The following GET1 variants were observed in gnomAD, a reference collection of about 807,000 sequenced individuals.
GET1 encodes the protein guided entry of tail-anchored proteins factor 1, also known as congenital heart disease 5 protein.
A neutral mutation model predicts 22.6 loss-of-function variants in GET1; 20 were observed. The ratio of observed to expected loss-of-function variants is 0.89; its 90% CI spans 0.62 to 1.29. GET1 has a LOEUF of 1.29. Ranked by LOEUF, GET1 falls within the 50% of genes most tolerant of loss-of-function variation. GET1 has a pLI of 0.00. For missense variants in GET1, 209 were observed against 219.9 expected (o/e 0.95, Z 0.31); for synonymous variants, 92 against 83.8 (o/e 1.10, Z -0.53).
intron 4 of GET1, among the ~76,000 whole-genome samples, chr21:39,403,102 G>A (rs917509374): frequency 5.3e-5 from 8 of 152,144 alleles, no homozygotes; most frequent in African/African-American, 1.9e-4. Flanking sequence ...ATGTTACTCA[G>A]CATACCATTT....
intron 1 of GET1, among the ~76,000 whole-genome samples, chr21:39,385,895 G>A (rs949532593): frequency 2.0e-5 from 3 of 151,954 alleles, no homozygotes; most frequent in African/African-American, 7.3e-5. Flanking sequence ...CAGAGTCTAT[G>A]CAAACCGCAT....
At chr21:39,413,819 T>C (rs1378948787) in intron 1 of GET1, 1 of 152,258 alleles carries the variant, frequency 6.6e-6, no homozygotes, top group Non-Finnish European at 1.5e-5. Flanking sequence ...GGGACACATT[T>C]TGATTACCTG....
downstream of GET1, chr21:39,406,683 A>G (rs2039116608): frequency 1.6e-6 from 2 of 1,227,774 alleles, no homozygotes; most frequent in African/African-American, 3.0e-5. Flanking sequence ...TGGCATGTCT[A>G]GTACACTTAC....
chr21:39,406,217 T>C (rs2039050118), exon 5 of GET1: 5 of 1,613,004 alleles, frequency 3.1e-6, no homozygotes, highest in Non-Finnish European at 4.2e-6. Flanking sequence ...TCTCTGTTAC[T>C]GAGATGCTTG....
At chr21:39,391,932 C>G in intron 3 of GET1, 96 bp downstream of exon 3, 1 of 1,180,482 alleles carries the variant, frequency 8.5e-7, no homozygotes, top group Non-Finnish European at 1.3e-6. Flanking sequence ...TCGGGCTGTT[C>G]CACCTTCAGC....
At chr21:39,391,999 C>G (rs920684043) in intron 3 of GET1, 163 bp downstream of exon 3, 19 of 635,384 alleles carry the variant, frequency 3.0e-5, no homozygotes, top group Non-Finnish European at 2.2e-5. Flanking sequence ...GTCTCTAAGT[C>G]AGACTAAAAG....
chr21:39,424,535 A>G (rs1426969680), intron 1 of GET1, among the ~76,000 whole-genome samples: 3 of 152,224 alleles, frequency 2.0e-5, no homozygotes, highest in African/African-American at 7.2e-5. Context: ...AGTGCTTATC[A>G]TATGTCAGGC....
At chr21:39,409,906 C>A, downstream of GET1, 1 of 875,600 alleles carries the variant, frequency 1.1e-6, no homozygotes. The surrounding 1 kb of genome is among the most constrained non-coding windows in gnomAD (Gnocchi z 4.2). Flanking sequence ...TTTATGTGTG[C>A]TTTATATACA....
At chr21:39,424,321 A>C (rs2074270878) in intron 1 of GET1, among the ~76,000 whole-genome samples, 1 of 152,234 alleles carries the variant, frequency 6.6e-6, no homozygotes, top group African/African-American at 2.4e-5. Flanking sequence ...GCCTCTACAA[A>C]ATTTTGAAAA....
downstream of GET1, chr21:39,407,934 T>TA (rs377404167): frequency 6.6e-6 from 1 of 152,254 alleles, no homozygotes; most frequent in Non-Finnish European, 1.5e-5. Context: ...TCTGTCAAAC[T>TA]ACTGTGTTAT....
At chr21:39,405,804 C>T in intron 4 of GET1, 2 of 1,136,074 alleles carry the variant, frequency 1.8e-6, no homozygotes, top group South Asian at 1.7e-5. Flanking sequence ...CTCCCTCTCT[C>T]ACACATTTCA....
chr21:39,390,867 C>T lies in GET1; in HGVS notation c.268+4C>T, dbSNP rs1245877368. 1 of 1,613,828 alleles carries T rather than the reference C, an allele frequency of 6.2e-7. No individual in the cohort carries two copies. The highest frequency in any genetic ancestry group is 1.3e-5 in the African/African-American group (1 of 74,918). On this transcript the variant is annotated splice_donor_region_variant and intron_variant, in intron 2 of 4. Transcript: ENST00000649170. ...ACGGATAAGCTCAAAACCCATGGTA[C>T]TGTGTCCCTTGCAGCCTGGAGGCTT...
chr21:39,409,950 TA>T (rs1402716176), downstream of GET1: 1 of 1,230,384 alleles, frequency 8.1e-7, no homozygotes, highest in Admixed American at 1.9e-5. This position sits in a 1 kb window ranked among gnomAD's most constrained non-coding sequence, Gnocchi z 4.2. Flanking sequence ...AGAAATCAGA[TA>T]AGATAGACTT....
At chr21:39,387,293 T>G (rs2037969569) in intron 1 of GET1, among the ~76,000 whole-genome samples, 1 of 152,216 alleles carries the variant, frequency 6.6e-6, no homozygotes, top group Non-Finnish European at 1.5e-5. Context: ...ATTCCTGAGT[T>G]GTTTTGTGTA....
Position 39,396,960 on chromosome 21 carries a change from G to A in GET1, c.*21G>A, listed in dbSNP as rs756627629. 1.9e-5 allele frequency: 30 copies of A among 1,612,320 alleles called. No individual in the cohort carries two copies. Among genetic ancestry groups the A allele is most frequent in the Non-Finnish European group, 2.2e-5 (26 of 1,179,270 alleles). ...GCTGAACAGGAGGATGGATACAGCCGCGAGGCTAAAAAACGGATTTCCTCT... is the reference window on the plus strand; with the variant it reads ...GCTGAACAGGAGGATGGATACAGCCACGAGGCTAAAAAACGGATTTCCTCT... On this transcript the variant is annotated 3_prime_UTR_variant, in exon 5 of 5. Coordinates refer to ENST00000649170, the MANE Select transcript of GET1 (RefSeq NM_004627.6).
intron 1 of GET1, chr21:39,423,356 C>T: frequency 6.2e-7 from 1 of 1,612,672 alleles, no homozygotes; most frequent in Non-Finnish European, 8.5e-7. Context: ...TTTTTTAGTC[C>T]TTTAATTTTA....
intron 4 of GET1, among the ~76,000 whole-genome samples, chr21:39,394,936 CAT>C (rs1412836549): frequency 6.6e-6 from 1 of 151,864 alleles, no homozygotes; most frequent in East Asian, 1.9e-4. Flanking sequence ...GTGGCACCCT[CAT>C]AGCTCACTAC....
downstream of GET1, chr21:39,410,951 T>C (rs1363873477): frequency 4.2e-6 from 2 of 470,610 alleles, no homozygotes; most frequent in East Asian, 1.4e-4. Flanking sequence ...AGTATTCCTA[T>C]GGTACTTCTG....
At chr21:39,395,368 AT>A (rs34180324) in intron 4 of GET1, among the ~76,000 whole-genome samples, 94,013 of 146,900 alleles carry the variant, frequency 0.64, 30,244 homozygotes, top group East Asian at 0.78. Flanking sequence ...AGGAATGACT[AT>A]TTTTTTTTTT....
Sources: allele counts gnomAD v4.1 joint callset (sites outside exome capture counted in the v4.1 genomes callset), GRCh38; gene constraint gnomAD v4.1.1; non-coding constraint Gnocchi (gnomAD v3.1); transcripts MANE v1.5; gene names NCBI Gene and HGNC (gene_info 2026-07-23, HGNC 2026-07-21).